The following TMLHE variants were observed in gnomAD, a reference collection of about 807,000 sequenced individuals.
The protein encoded by TMLHE is trimethyllysine hydroxylase, epsilon.
A neutral mutation model predicts 25.7 loss-of-function variants in TMLHE; 18 were observed. That is an observed-to-expected ratio of 0.70 (90% CI 0.48 to 1.04). TMLHE has a LOEUF of 1.04. Among genes scored for constraint, TMLHE ranks in the 50% least tolerant of loss-of-function variants. The pLI is 0.00. For synonymous variants in TMLHE, 105 were observed against 97.0 expected (o/e 1.08, Z -0.49); for missense variants, 236 against 259.0 (o/e 0.91, Z 0.61).
chrX:155,515,378 TGTTA>T (rs1239172568), intron 3 of TMLHE, among the ~76,000 whole-genome samples: 21 of 110,673 alleles, frequency 1.9e-4, no homozygotes, highest in Non-Finnish European at 3.6e-4. Context: ...CTAACCCATC[TGTTA>T]TTCTGGGTAT....
Position 155,500,292 on chromosome X carries a change from G to A in TMLHE, c.995+6606C>T, listed in dbSNP as rs868986957. ...TCAAACAAATTTACAAGAAAAAAACGAACAACCCCATCAAAAAGTGGGCGA... is the reference window on the plus strand; with the variant it reads ...TCAAACAAATTTACAAGAAAAAAACAAACAACCCCATCAAAAAGTGGGCGA... On this transcript the variant is annotated intron_variant, in intron 6 of 7. Transcript: ENST00000334398. 5.6e-3 allele frequency among the ~76,000 whole-genome samples: 586 copies of A among 104,835 alleles called. 3 individuals are homozygous for A. The highest frequency in any genetic ancestry group is 0.02 in the African/African-American group (528 of 25,932). The allele number at this position is 104,835 out of a possible 115,157, so 91.0% of individuals were successfully genotyped here. A position where few individuals can be genotyped will look rare whatever the true frequency, so the allele number is the denominator to read the frequency against.
intron 1 of TMLHE, among the ~76,000 whole-genome samples, chrX:155,549,969 G>A (rs782684897): frequency 2.5e-4 from 27 of 109,822 alleles, no homozygotes; most frequent in African/African-American, 4.0e-4. Context: ...GTGAGAACAC[G>A]TGGTGTTTGG....
Position 155,560,861 on chromosome X carries a change from C to T in TMLHE, c.-1-15584G>A, listed in dbSNP as rs1177254593. 3.3e-5 allele frequency among the ~76,000 whole-genome samples: 2 copies of T among 61,249 alleles called. 1 individual carries two copies. The highest frequency in any genetic ancestry group is 7.2e-5 in the African/African-American group (2 of 27,665). 53.2% of individuals were successfully genotyped at this position (61,249 alleles called of 115,157 possible). Reference sequence around the variant, plus strand: ...GATGAACCATTGTAGGGTTTTAAAACTAATAGGTAACATGATGACACATTT... The same window carrying T: ...GATGAACCATTGTAGGGTTTTAAAATTAATAGGTAACATGATGACACATTT... On this transcript the variant is annotated intron_variant, in intron 1 of 7. Transcript: ENST00000334398.
At chrX:155,538,645 T>G (rs1422673853) in intron 2 of TMLHE, among the ~76,000 whole-genome samples, 1 of 111,827 alleles carries the variant, frequency 8.9e-6, no homozygotes, top group Admixed American at 9.5e-5. Flanking sequence ...CTTCACAAAC[T>G]GATGCCCCAT....
intron 1 of TMLHE, among the ~76,000 whole-genome samples, chrX:155,554,377 T>A (rs965776007): frequency 6.3e-5 from 7 of 110,778 alleles, no homozygotes; most frequent in Non-Finnish European, 1.3e-4. Context: ...TTTACTTCCA[T>A]TTTAAAAGGC....
chrX:155,548,730 G>A (rs1304967710), intron 1 of TMLHE, among the ~76,000 whole-genome samples: 3 of 100,795 alleles, frequency 3.0e-5, no homozygotes, highest in Non-Finnish European at 5.9e-5. Flanking sequence ...GTGAGACTCT[G>A]TCTCAAAAAA....
intron 1 of TMLHE, among the ~76,000 whole-genome samples, chrX:155,565,189 G>C (rs1426782765): frequency 1.6e-5 from 1 of 62,251 alleles, no homozygotes; most frequent in African/African-American, 3.6e-5. Flanking sequence ...TGAGAGGAAA[G>C]GGAAGACCTT....
rs181698742 is a variant in TMLHE at position 155,599,247 on chromosome X, A to G, written c.-2+13545T>C. ...CAAGTGTCAACTGTACTTCCATATT[A>G]TACAAACTCTTCCTGAGAACAAATA... On this transcript the variant is annotated intron_variant, in intron 1 of 7. Coordinates refer to ENST00000334398, the MANE Select transcript of TMLHE (RefSeq NM_018196.4). Among the ~76,000 whole-genome samples, 5 of 111,451 alleles carry G rather than the reference A, an allele frequency of 4.5e-5. No individual in the cohort carries two copies. In the East Asian group the frequency reaches 1.4e-3, roughly 31 times the overall value.
intron 2 of TMLHE, among the ~76,000 whole-genome samples, chrX:155,534,609 TA>T (rs2067267739): frequency 9.0e-6 from 1 of 111,356 alleles, no homozygotes; most frequent in Non-Finnish European, 1.9e-5. Context: ...AGCACATACT[TA>T]TCTGGTTTCA....
At chrX:155,560,330 C>A (rs970163124) in intron 1 of TMLHE, among the ~76,000 whole-genome samples, 2 of 110,170 alleles carry the variant, frequency 1.8e-5, no homozygotes, top group Admixed American at 2.0e-4. Flanking sequence ...AAATATTTGT[C>A]GGGTGTCTAC....
chrX:155,586,461 G>A (rs782124209), intron 1 of TMLHE, among the ~76,000 whole-genome samples: 4 of 111,016 alleles, frequency 3.6e-5, no homozygotes, highest in Non-Finnish European at 5.7e-5. Context: ...CGCACTTGAA[G>A]GAACTAGAAA....
intron 1 of TMLHE, among the ~76,000 whole-genome samples, chrX:155,591,258 C>T (rs782085460): frequency 9.0e-5 from 10 of 111,243 alleles, no homozygotes; most frequent in Non-Finnish European, 1.5e-4. Flanking sequence ...ACCTCAAAAT[C>T]CCACTCTTAA....
At chrX:155,527,391 T>G (rs2067226115) in intron 2 of TMLHE, among the ~76,000 whole-genome samples, 1 of 111,875 alleles carries the variant, frequency 8.9e-6, no homozygotes, top group African/African-American at 3.3e-5. Context: ...GTAAGTTTCC[T>G]GAGGCCTCCT....
Position 155,551,627 on chromosome X carries a change from C to T in TMLHE, c.-1-6350G>A, listed in dbSNP as rs73577065. Among the ~76,000 whole-genome samples, 161 of 109,699 alleles carry T rather than the reference C, an allele frequency of 1.5e-3. 9 individuals are homozygous for T. The highest frequency in any genetic ancestry group is 5.4e-3 in the African/African-American group (159 of 29,437). Reference sequence around the variant, plus strand: ...TTCAGTTCTAGTATTTCCACTTGGTCCTTATTTAGAAATTCTGTTTATCCT... The same window carrying T: ...TTCAGTTCTAGTATTTCCACTTGGTTCTTATTTAGAAATTCTGTTTATCCT... On this transcript the variant is annotated intron_variant, in intron 1 of 7. Coordinates refer to ENST00000334398, the MANE Select transcript of TMLHE (RefSeq NM_018196.4).
intron 3 of TMLHE, among the ~76,000 whole-genome samples, chrX:155,515,138 T>C (rs940264065): frequency 4.5e-5 from 5 of 111,422 alleles, no homozygotes; most frequent in Admixed American, 9.6e-5. Flanking sequence ...GATGAAACTA[T>C]GATTGACAGC....
intron 1 of TMLHE, among the ~76,000 whole-genome samples, chrX:155,594,022 A>G (rs7053482): frequency 2.4e-3 from 274 of 112,027 alleles, no homozygotes; most frequent in African/African-American, 8.6e-3. Context: ...AAGGCTATTT[A>G]AGGAAATAAT....
At chrX:155,549,786 G>C (rs190173753) in intron 1 of TMLHE, among the ~76,000 whole-genome samples, 24 of 109,844 alleles carry the variant, frequency 2.2e-4, no homozygotes, top group Admixed American at 2.1e-3. Flanking sequence ...GTGCAGGTTT[G>C]TTACATAGGT....
chrX:155,612,401 C>T (rs1384564789), intron 1 of TMLHE: 1 of 111,993 alleles, frequency 8.9e-6, no homozygotes, highest in Non-Finnish European at 1.9e-5. Flanking sequence ...AGGGTAGGGA[C>T]TCGCTGAAAG....
chrX:155,559,501 C>G (rs368350284), intron 1 of TMLHE, among the ~76,000 whole-genome samples: 2 of 111,596 alleles, frequency 1.8e-5, no homozygotes, highest in African/African-American at 6.5e-5. Flanking sequence ...AGCTTCCCAA[C>G]CTTTAGAGTC....
Sources: gnomAD v4.1 joint callset for allele counts (sites outside exome capture counted in the v4.1 genomes callset) on GRCh38, gnomAD v4.1.1 for gene constraint, MANE v1.5 for transcripts, NCBI Gene and HGNC (gene_info 2026-07-23, HGNC 2026-07-21) for gene names.